PITPNC1: variants seen among roughly 807,000 people sequenced by gnomAD.
PITPNC1 encodes cytoplasmic phosphatidylinositol transfer protein 1.
Under a neutral mutation model 44.7 loss-of-function variants are expected in PITPNC1, and 18 were observed. The ratio of observed to expected loss-of-function variants is 0.40; its 90% CI spans 0.28 to 0.60. The LOEUF is 0.60. Among genes scored for constraint, PITPNC1 ranks in the 20% least tolerant of loss-of-function variants. The pLI is 0.39. For synonymous variants in PITPNC1, 141 were observed against 149.6 expected (o/e 0.94, Z 0.42); for missense variants, 290 against 418.4 (o/e 0.69, Z 2.68).
At chr17:67,684,314 T>C (rs2042774021) in intron 8 of PITPNC1, among the ~76,000 whole-genome samples, 1 of 152,000 alleles carries the variant, frequency 6.6e-6, no homozygotes, top group African/African-American at 2.4e-5. Flanking sequence ...GGTTTCACCA[T>C]GTTGGCCGGG....
At chr17:67,495,433 G>C (rs1413071657) in intron 1 of PITPNC1, among the ~76,000 whole-genome samples, 2 of 152,018 alleles carry the variant, frequency 1.3e-5, no homozygotes, top group Non-Finnish European at 2.9e-5. Context: ...TGTTATACAG[G>C]TAAACTCATG....
At chr17:67,528,680 C>T (rs2040421631) in intron 1 of PITPNC1, among the ~76,000 whole-genome samples, 1 of 152,328 alleles carries the variant, frequency 6.6e-6, no homozygotes, top group South Asian at 2.1e-4. Flanking sequence ...GCCTTCACCA[C>T]GTTCTGCTGC....
At chr17:67,614,068 C>T (rs1473148255) in intron 5 of PITPNC1, among the ~76,000 whole-genome samples, 2 of 150,166 alleles carry the variant, frequency 1.3e-5, no homozygotes, top group African/African-American at 4.9e-5. Context: ...GCCTGAGCAA[C>T]AGAACAAGAC....
intron 5 of PITPNC1, among the ~76,000 whole-genome samples, chr17:67,622,165 G>A (rs1000410995): frequency 6.6e-6 from 1 of 150,608 alleles, no homozygotes; most frequent in African/African-American, 2.5e-5. Flanking sequence ...GCTGAGGCAG[G>A]AGAATGGCAG....
chr17:67,656,599 G>A (rs1403309126), intron 6 of PITPNC1, among the ~76,000 whole-genome samples: 1 of 152,138 alleles, frequency 6.6e-6, no homozygotes, highest in Non-Finnish European at 1.5e-5. Flanking sequence ...CTTGCACTCT[G>A]TTTTCTGATT....
rs57827214 is a variant in PITPNC1 at position 67,645,343 on chromosome 17, GA to G, written c.462+13124del. Among the ~76,000 whole-genome samples the G allele has an allele frequency of 7.0e-3, 566 of 81,302 alleles. 5 individuals carry two copies. Among genetic ancestry groups the G allele is most frequent in the South Asian group, 0.042 (100 of 2,378 alleles). The allele number at this position is 81,302 out of a possible 152,430, so 53.3% of individuals were successfully genotyped here. A position where few individuals can be genotyped will look rare whatever the true frequency, so the allele number is the denominator to read the frequency against. ...GCAACAAGAGCGAAACTCCATCTCA[GA>G]AAAAAAAAAAAAAAAAAAGAGAAAG... On this transcript the variant is annotated intron_variant, in intron 6 of 8. Coordinates refer to ENST00000581322, the MANE Select transcript of PITPNC1 (RefSeq NM_012417.4).
chr17:67,529,738 G>A (rs1226195688), intron 1 of PITPNC1, among the ~76,000 whole-genome samples: 1 of 152,158 alleles, frequency 6.6e-6, no homozygotes, highest in Non-Finnish European at 1.5e-5. Context: ...TTTGAGGTCA[G>A]GAGTTCAAGA....
intron 1 of PITPNC1, among the ~76,000 whole-genome samples, chr17:67,412,679 G>A (rs2038520874): frequency 6.6e-6 from 1 of 152,092 alleles, no homozygotes; most frequent in African/African-American, 2.4e-5. Flanking sequence ...TGATTCTCCT[G>A]CCTCAGCCTC....
intron 6 of PITPNC1, among the ~76,000 whole-genome samples, chr17:67,657,827 T>A (rs779687094): frequency 1.3e-5 from 2 of 152,228 alleles, no homozygotes; most frequent in Non-Finnish European, 2.9e-5. Context: ...TATTCTGAAC[T>A]GAAGTGAGCT....
At chr17:67,533,225 A>T (rs2040487092) in intron 2 of PITPNC1, among the ~76,000 whole-genome samples, 1 of 152,094 alleles carries the variant, frequency 6.6e-6, no homozygotes, top group African/African-American at 2.4e-5. Context: ...ACAGTACTGC[A>T]CTCCAGCCTG....
intron 1 of PITPNC1, among the ~76,000 whole-genome samples, chr17:67,447,142 T>C (rs1598674366): frequency 8.2e-6 from 1 of 122,296 alleles, no homozygotes; most frequent in Admixed American, 8.7e-5. Flanking sequence ...CTAAGAAGAA[T>C]GTGTGTTTGG....
chr17:67,645,993 C>T (rs2042144472), intron 6 of PITPNC1, among the ~76,000 whole-genome samples: 1 of 152,146 alleles, frequency 6.6e-6, no homozygotes, highest in Non-Finnish European at 1.5e-5. Context: ...GGCGTGGTGG[C>T]GGGTGCCTGT....
chr17:67,394,629 C>T (rs1598611365), intron 1 of PITPNC1, among the ~76,000 whole-genome samples: 1 of 152,128 alleles, frequency 6.6e-6, no homozygotes, highest in African/African-American at 2.4e-5. Context: ...TAAGGCCGGG[C>T]ACGGTGGCTC....
chr17:67,521,512 G>A (rs2040324642), intron 1 of PITPNC1, among the ~76,000 whole-genome samples: 1 of 152,020 alleles, frequency 6.6e-6, no homozygotes, highest in African/African-American at 2.4e-5. Flanking sequence ...TGGTTTTCAT[G>A]GTTTATTGAC....
Position 67,578,216 on chromosome 17 carries a change from A to G in PITPNC1, c.325A>G (p.Ile109Val), listed in dbSNP as rs1229886862. 3 of 1,612,952 alleles carry G rather than the reference A, an allele frequency of 1.9e-6. No homozygotes were observed. Among genetic ancestry groups the G allele is most frequent in the South Asian group, 1.1e-5 (1 of 91,070 alleles). Residue 109 changes from isoleucine (I) to valine (V), a missense_variant, in exon 5 of 9, where the codon ATA becomes GTA. Physicochemically the swap from Ile to Val is conservative, Grantham distance 29. Transcript: ENST00000581322. Reference protein sequence around the residue: ...CSFLPKFSIHIETKYEDNKGS... With the variant: ...CSFLPKFSIHVETKYEDNKGS... ...CTTTCTGCCGAAATTCTCCATTCAT[A>G]TAGAAACCAAGTATGAGGACAACAA... is the stretch of plus-strand genomic sequence containing the variant.
At chr17:67,382,338 GGTGTGTGTGTGTGTGTGTGT>G (rs112100189) in intron 1 of PITPNC1, among the ~76,000 whole-genome samples, 1 of 146,092 alleles carries the variant, frequency 6.8e-6, no homozygotes, top group Non-Finnish European at 1.5e-5. Flanking sequence ...GGGGTTTTTT[GGTGTGTGTGTGTGTGTGTGT>G]GTGTGTGTGT....
intron 5 of PITPNC1, chr17:67,612,725 G>C (rs1412544228): frequency 6.7e-6 from 1 of 148,278 alleles, no homozygotes; most frequent in African/African-American, 2.5e-5. Flanking sequence ...ATGGATGGAT[G>C]GATCAATGGG....
chr17:67,528,659 T>G (rs1044185907), intron 1 of PITPNC1, among the ~76,000 whole-genome samples: 2 of 152,224 alleles, frequency 1.3e-5, no homozygotes, highest in Admixed American at 1.3e-4. Context: ...GCTGAGCAAG[T>G]GCTGATGGCT....
At chr17:67,598,653 G>T (rs1208530374) in intron 5 of PITPNC1, among the ~76,000 whole-genome samples, 2 of 152,034 alleles carry the variant, frequency 1.3e-5, no homozygotes, top group Non-Finnish European at 2.9e-5. Context: ...ACTTTGGGAG[G>T]CCAAGGCAGG....
Sources: allele counts gnomAD v4.1 joint callset (sites outside exome capture counted in the v4.1 genomes callset), GRCh38; gene constraint gnomAD v4.1.1; transcripts MANE v1.5; gene names NCBI Gene and HGNC (gene_info 2026-07-23, HGNC 2026-07-21).